BRINP1: variants seen among roughly 807,000 people sequenced by gnomAD.
BRINP1 encodes BMP/retinoic acid-inducible neural-specific protein 1.
In BRINP1, 17 loss-of-function variants were observed where a neutral mutation model predicts 72.9. That is an observed-to-expected ratio of 0.23 (90% CI 0.16 to 0.35). BRINP1 has a LOEUF of 0.35. BRINP1 is among the 10% of genes least tolerant of loss of function. BRINP1 has a pLI of 1.00. For missense variants in BRINP1, 850 were observed against 1,001.6 expected, an observed-to-expected ratio of 0.85 and a Z score of 2.04; for synonymous variants, 418 against 378.5, an observed-to-expected ratio of 1.10 and a Z score of -1.21.
At chr9:119,284,334 G>A (rs1383879320) in intron 2 of BRINP1, among the ~76,000 whole-genome samples, 1 of 152,188 alleles carries the variant, frequency 6.6e-6, no homozygotes, top group Non-Finnish European at 1.5e-5. Flanking sequence ...CCCGCTGTGG[G>A]AGGCAATGTG....
chr9:119,246,552 A>G (rs995234589), intron 3 of BRINP1, among the ~76,000 whole-genome samples: 2 of 152,130 alleles, frequency 1.3e-5, no homozygotes, highest in African/African-American at 2.4e-5. Flanking sequence ...AATATTCCTG[A>G]ATAAAATCCC....
At chr9:119,186,395 C>A (rs1402539369) in intron 7 of BRINP1, among the ~76,000 whole-genome samples, 2 of 152,166 alleles carry the variant, frequency 1.3e-5, no homozygotes, top group African/African-American at 4.8e-5. Context: ...TACCTTGGCC[C>A]CAGGAAACTG....
intron 2 of BRINP1, among the ~76,000 whole-genome samples, chr9:119,274,751 A>C (rs182000789): frequency 6.6e-6 from 1 of 152,296 alleles, no homozygotes; most frequent in East Asian, 1.9e-4. Flanking sequence ...AAGCACAGAG[A>C]AGTTAGTGAC....
At chr9:119,337,532 C>T (rs578051695) in intron 1 of BRINP1, among the ~76,000 whole-genome samples, 1 of 152,340 alleles carries the variant, frequency 6.6e-6, no homozygotes, top group Admixed American at 6.5e-5. Flanking sequence ...GACAAGTGCA[C>T]CTGTTTGTGA....
At chr9:119,304,175 C>T (rs377653993) in intron 2 of BRINP1, among the ~76,000 whole-genome samples, 125 of 152,244 alleles carry the variant, frequency 8.2e-4, no homozygotes, top group Middle Eastern at 6.8e-3. Context: ...CCACTGCGCC[C>T]GGCTGCTAAA....
intron 1 of BRINP1, among the ~76,000 whole-genome samples, chr9:119,319,172 G>C (rs1489310662): frequency 2.0e-5 from 3 of 152,004 alleles, no homozygotes; most frequent in African/African-American, 7.2e-5. Flanking sequence ...CATAACCTGA[G>C]TGGCAAATTG....
chr9:119,205,422 T>C (rs1424602823), intron 7 of BRINP1, among the ~76,000 whole-genome samples: 3 of 152,122 alleles, frequency 2.0e-5, no homozygotes, highest in Non-Finnish European at 2.9e-5. Context: ...AGCTCTTTCT[T>C]TGAAGGTCCC....
Position 119,168,062 on chromosome 9 carries a change from G to A in BRINP1, c.1308C>T (p.Cys436=), listed in dbSNP as rs146922589. 71 of 1,610,128 alleles carry A rather than the reference G, an allele frequency of 4.4e-5. No individual in the cohort carries two copies. Among genetic ancestry groups the A allele is most frequent in the African/African-American group, 3.1e-4 (23 of 74,858 alleles). Residue 436 remains cysteine, a synonymous_variant, in exon 8 of 8, where the codon TGC becomes TGT. Coordinates refer to ENST00000265922, the MANE Select transcript of BRINP1 (RefSeq NM_014618.3). ...IPCVIGGNNS[C]AMCSLANISL... ...AGATGTTGGCCAGGCTGCACATGGC[G>A]CAGCTGTTGTTCCCGCCTATCACGC...
intron 2 of BRINP1, among the ~76,000 whole-genome samples, chr9:119,272,669 C>G (rs1830619665): frequency 6.6e-6 from 1 of 152,134 alleles, no homozygotes; most frequent in African/African-American, 2.4e-5. Flanking sequence ...TTGCTACTTC[C>G]AGGCATTTTA....
chr9:119,341,070 T>C (rs1831400925), intron 1 of BRINP1, among the ~76,000 whole-genome samples: 1 of 152,122 alleles, frequency 6.6e-6, no homozygotes, highest in South Asian at 2.1e-4. Flanking sequence ...CATATCACAG[T>C]CTAGACTCAT....
rs368928440 is a variant in BRINP1, at chr9:119,324,095, A to G, written c.-50-10690T>C. ...TTTTGTTTCTTTCTGATCTTGCCCTATGAATCCTGTTTAGCCAAAGGGAAG... is the reference window on the plus strand; with the variant it reads ...TTTTGTTTCTTTCTGATCTTGCCCTGTGAATCCTGTTTAGCCAAAGGGAAG... On this transcript the variant is annotated intron_variant, in intron 1 of 7. Coordinates refer to ENST00000265922, the MANE Select transcript of BRINP1 (RefSeq NM_014618.3). Among the ~76,000 whole-genome samples the G allele has an allele frequency of 3.2e-4, 48 of 152,300 alleles. No individual in the cohort carries two copies. In the East Asian group the frequency reaches 3.7e-3, roughly 12 times the overall value.
chr9:119,365,603 G>A (rs912397908), intron 1 of BRINP1, among the ~76,000 whole-genome samples: 1 of 152,168 alleles, frequency 6.6e-6, no homozygotes, highest in African/African-American at 2.4e-5. Context: ...GGGCCTTTGG[G>A]CAAAGACCTT....
chr9:119,353,381 A>G (rs952537757), intron 1 of BRINP1, among the ~76,000 whole-genome samples: 1 of 152,148 alleles, frequency 6.6e-6, no homozygotes, highest in Admixed American at 6.5e-5. Flanking sequence ...TAACTATTCA[A>G]TCCTCATAGG....
chr9:119,211,485 C>T (rs541684504), intron 6 of BRINP1, among the ~76,000 whole-genome samples: 2 of 152,362 alleles, frequency 1.3e-5, no homozygotes, highest in South Asian at 2.1e-4. Flanking sequence ...GCATGAGCCA[C>T]TGCACCTGGC....
chr9:119,179,957 T>G (rs1829533954), intron 7 of BRINP1, among the ~76,000 whole-genome samples: 1 of 152,122 alleles, frequency 6.6e-6, no homozygotes, highest in Non-Finnish European at 1.5e-5. Flanking sequence ...TCGAGGACAG[T>G]CTCCGTCACC....
At chr9:119,272,419 T>C (rs760453182) in intron 2 of BRINP1, among the ~76,000 whole-genome samples, 14 of 152,106 alleles carry the variant, frequency 9.2e-5, no homozygotes, top group African/African-American at 3.4e-4. Flanking sequence ...CTTCAAAATA[T>C]CTGGTTGAGG....
chr9:119,240,771 A>G (rs546789184), intron 4 of BRINP1, among the ~76,000 whole-genome samples: 30 of 152,058 alleles, frequency 2.0e-4, no homozygotes, highest in Non-Finnish European at 2.2e-4. Flanking sequence ...CTCTCTCCTT[A>G]GTCAATTTCT....
chr9:119,253,069 G>T, intron 2 of BRINP1, among the ~76,000 whole-genome samples: 1 of 152,106 alleles, frequency 6.6e-6, no homozygotes. Context: ...TCAGTAACTG[G>T]GGATGTTACC....
chr9:119,305,092 T>C lies in BRINP1; in HGVS notation c.218+8046A>G, dbSNP rs144356882. Among the ~76,000 whole-genome samples the C allele has an allele frequency of 5.5e-4, 84 of 152,330 alleles. No homozygotes were observed. In the East Asian group the frequency reaches 7.1e-3, roughly 13 times the overall value. ...ACACGACCATGTTAGTGCATCAGCA[T>C]TTTAAAAAATAAATGAATTGTAAAG... is the stretch of plus-strand genomic sequence containing the variant. On this transcript the variant is annotated intron_variant, in intron 2 of 7. Coordinates refer to ENST00000265922, the MANE Select transcript of BRINP1 (RefSeq NM_014618.3).
Sources: gnomAD v4.1 joint callset for allele counts (sites outside exome capture counted in the v4.1 genomes callset) on GRCh38, gnomAD v4.1.1 for gene constraint, MANE v1.5 for transcripts, NCBI Gene and HGNC (gene_info 2026-07-23, HGNC 2026-07-21) for gene names.